NPFFR2: variants seen among roughly 807,000 people sequenced by gnomAD.
NPFFR2 encodes the protein neuropeptide FF receptor 2, also known as G-protein coupled receptor 74.
NPFFR2 carries 15 observed loss-of-function variants against 13.1 expected under a neutral mutation model. The observed-to-expected ratio is 1.15, with a 90% CI of 0.77 to 1.76. The LOEUF (loss-of-function observed/expected upper bound fraction) is 1.76, where lower values mean the gene tolerates loss of function less well. Among genes scored for constraint, NPFFR2 ranks in the 40% most tolerant of loss-of-function variants. The probability of loss-of-function intolerance (pLI) is 0.00; values close to 1 mark genes in which losing one functional copy is unlikely to be tolerated. For synonymous variants in NPFFR2, 190 were observed against 175.7 expected (o/e 1.08, Z -0.65); for missense variants, 572 against 503.5 (o/e 1.14, Z -1.30).
intron 1 of NPFFR2, among the ~76,000 whole-genome samples, chr4:72,123,794 C>A (rs962526223): frequency 1.3e-5 from 2 of 152,072 alleles, no homozygotes; most frequent in African/African-American, 4.8e-5. Context: ...ATGACAAATC[C>A]ACAGCAAATA....
At chr4:72,041,306 T>A (rs1425783347) in intron 1 of NPFFR2, among the ~76,000 whole-genome samples, 1 of 152,238 alleles carries the variant, frequency 6.6e-6, no homozygotes, top group East Asian at 1.9e-4. Flanking sequence ...GCCGTATCCA[T>A]GTTGCTGCAA....
At chr4:72,129,355 C>A (rs369190873) in intron 2 of NPFFR2, among the ~76,000 whole-genome samples, 2 of 131,646 alleles carry the variant, frequency 1.5e-5, no homozygotes, top group Non-Finnish European at 3.2e-5. Flanking sequence ...CAGCGTTCAG[C>A]ATATGGAGGA....
chr4:72,070,561 G>GTGTGTGTGTGT (rs368654718), intron 1 of NPFFR2, among the ~76,000 whole-genome samples: 15,460 of 131,420 alleles, frequency 0.12, 1,627 homozygotes, highest in African/African-American at 0.2. Context: ...GTGTGTGTGT[G>GTGTGTGTGTGT]GGGGGGGGGG....
chr4:72,077,525 G>A (rs1281362985), intron 1 of NPFFR2, among the ~76,000 whole-genome samples: 1 of 152,004 alleles, frequency 6.6e-6, no homozygotes, highest in African/African-American at 2.4e-5. Flanking sequence ...TCTCATCCAC[G>A]ATTTCAGTCT....
chr4:72,074,671 A>G (rs1043598831), intron 1 of NPFFR2, among the ~76,000 whole-genome samples: 1 of 152,130 alleles, frequency 6.6e-6, no homozygotes, highest in Non-Finnish European at 1.5e-5. Flanking sequence ...AGACCCTACT[A>G]CTTATCAGTA....
At chr4:72,082,437 T>G (rs1028301653) in intron 1 of NPFFR2, among the ~76,000 whole-genome samples, 1 of 152,200 alleles carries the variant, frequency 6.6e-6, no homozygotes, top group Non-Finnish European at 1.5e-5. Context: ...GGAATATCTA[T>G]TTTGCCAAAT....
chr4:72,131,153 C>A lies in NPFFR2; in HGVS notation c.328+2234C>A, dbSNP rs181268156. 6.6e-5 allele frequency among the ~76,000 whole-genome samples: 10 copies of A among 151,926 alleles called. No individual in the cohort carries two copies. The East Asian group carries it at 2.0e-3, about 30-fold the overall frequency. The stretch of plus-strand genomic sequence containing the variant: ...CTGGGGTTTTTATAGGTATAGGATG[C>A]GGGGCGTGGCAGGGCAGGATGGTTT... On this transcript the variant is annotated intron_variant, in intron 2 of 3. Coordinates refer to ENST00000308744, the MANE Select transcript of NPFFR2 (RefSeq NM_004885.3).
At chr4:72,118,268 C>T (rs1281025824) in intron 1 of NPFFR2, among the ~76,000 whole-genome samples, 1 of 152,144 alleles carries the variant, frequency 6.6e-6, no homozygotes, top group African/African-American at 2.4e-5. Flanking sequence ...ATTTGACTGT[C>T]CTACCATAAG....
At chr4:72,062,729 C>T (rs1243839483) in intron 1 of NPFFR2, among the ~76,000 whole-genome samples, 1 of 152,098 alleles carries the variant, frequency 6.6e-6, no homozygotes, top group Non-Finnish European at 1.5e-5. Flanking sequence ...CTGCCTTTAT[C>T]ATGAGAAGAT....
intron 3 of NPFFR2, among the ~76,000 whole-genome samples, chr4:72,146,272 C>G (rs1722780454): frequency 2.0e-5 from 3 of 152,280 alleles, no homozygotes; most frequent in Admixed American, 6.5e-5. Flanking sequence ...AATGGCTAAG[C>G]TCTTATCTCC....
At chr4:72,052,728 TTAAC>T (rs1229943245) in intron 1 of NPFFR2, among the ~76,000 whole-genome samples, 1 of 151,984 alleles carries the variant, frequency 6.6e-6, no homozygotes, top group Non-Finnish European at 1.5e-5. Context: ...TTAGGAGAGA[TTAAC>T]TAAGAGTCTG....
intron 1 of NPFFR2, among the ~76,000 whole-genome samples, chr4:72,084,108 T>C (rs991556053): frequency 6.6e-6 from 1 of 152,198 alleles, no homozygotes; most frequent in Non-Finnish European, 1.5e-5. Context: ...CTGCTTCTAT[T>C]CTTGCTCCTC....
chr4:72,035,546 T>G (rs571202472), intron 1 of NPFFR2, among the ~76,000 whole-genome samples: 15 of 152,286 alleles, frequency 9.8e-5, no homozygotes, highest in African/African-American at 3.4e-4. Context: ...AATATTAAAC[T>G]TAATGCCACA....
chr4:72,138,832 G>A (rs1241705947), intron 3 of NPFFR2, among the ~76,000 whole-genome samples: 11 of 152,196 alleles, frequency 7.2e-5, no homozygotes, highest in South Asian at 6.2e-4. Context: ...TTGAGGAATC[G>A]TCACACTGTC....
chr4:72,103,300 T>C (rs938949257), intron 1 of NPFFR2, among the ~76,000 whole-genome samples: 4 of 152,126 alleles, frequency 2.6e-5, no homozygotes, highest in Non-Finnish European at 5.9e-5. Flanking sequence ...GTGACAGCAT[T>C]GGCAGGAGGA....
At chr4:72,048,581 AAG>A (rs1719447707) in intron 1 of NPFFR2, among the ~76,000 whole-genome samples, 1 of 152,100 alleles carries the variant, frequency 6.6e-6, no homozygotes, top group African/African-American at 2.4e-5. Flanking sequence ...AAATATATAA[AAG>A]AGAAACATCT....
At chr4:72,083,498 C>A (rs1333364034) in intron 1 of NPFFR2, among the ~76,000 whole-genome samples, 1 of 104,560 alleles carries the variant, frequency 9.6e-6, no homozygotes, top group East Asian at 2.9e-4. Flanking sequence ...CCATCAGTGA[C>A]AACTGTCTCC....
chr4:72,128,526 G>A, intron 1 of NPFFR2, 59 bp from the exon 2 acceptor site: 4 of 1,075,968 alleles, frequency 3.7e-6, no homozygotes, highest in Non-Finnish European at 5.4e-6. Flanking sequence ...CTCAGGCACA[G>A]AATTTATGCT....
intron 1 of NPFFR2, among the ~76,000 whole-genome samples, chr4:72,110,699 A>C (rs1274538458): frequency 6.6e-6 from 1 of 151,978 alleles, no homozygotes; most frequent in Admixed American, 6.6e-5. Flanking sequence ...TTTGTTCTCA[A>C]AAAATAAGAG....
Sources: gnomAD v4.1 joint callset for allele counts (sites outside exome capture counted in the v4.1 genomes callset) on GRCh38, gnomAD v4.1.1 for gene constraint, MANE v1.5 for transcripts, NCBI Gene and HGNC (gene_info 2026-07-23, HGNC 2026-07-21) for gene names.